The following LRMDA variants were observed in gnomAD, a reference collection of about 807,000 sequenced individuals.
The protein encoded by LRMDA is leucine-rich melanocyte differentiation-associated protein.
In LRMDA, 18 loss-of-function variants were observed where a neutral mutation model predicts 29.8. The ratio of observed to expected loss-of-function variants is 0.60; its 90% CI spans 0.42 to 0.90. The LOEUF (loss-of-function observed/expected upper bound fraction) is 0.90, where lower values mean the gene tolerates loss of function less well. Ranked by LOEUF, LRMDA falls within the 40% of genes least tolerant of loss-of-function variation. The pLI is 0.00. For synonymous variants in LRMDA, 125 were observed against 109.4 expected (o/e 1.14, Z -0.89); for missense variants, 273 against 273.9 (o/e 1.00, Z 0.02).
chr10:76,542,503 G>T (rs148529729), intron 6 of LRMDA, among the ~76,000 whole-genome samples: 1 of 152,290 alleles, frequency 6.6e-6, no homozygotes, highest in African/African-American at 2.4e-5. Flanking sequence ...GCCTGCATCT[G>T]TCTAACCTCA....
rs116679112 is a variant in LRMDA at position 75,721,796 on chromosome 10, A to G, written c.131+283302A>G. On this transcript the variant is annotated intron_variant, in intron 2 of 6. Transcript: ENST00000611255. ...CTATTTGCAGAAGTATTGAAATGTCAGTAAGTTTTATTGTAGTAATAAAGA... is the reference window on the plus strand; with the variant it reads ...CTATTTGCAGAAGTATTGAAATGTCGGTAAGTTTTATTGTAGTAATAAAGA... 5.1e-3 allele frequency among the ~76,000 whole-genome samples: 783 copies of G among 152,366 alleles called. 10 individuals carry two copies. The highest frequency in any genetic ancestry group is 0.018 in the African/African-American group (752 of 41,594).
intron 2 of LRMDA, among the ~76,000 whole-genome samples, chr10:76,030,467 A>G (rs1848131260): frequency 2.6e-5 from 4 of 152,204 alleles, no homozygotes; most frequent in Admixed American, 2.6e-4. Context: ...TTTATGGAAA[A>G]AAGAATATCT....
chr10:75,931,495 A>G (rs1454713674), intron 2 of LRMDA, among the ~76,000 whole-genome samples: 1 of 152,214 alleles, frequency 6.6e-6, no homozygotes. Context: ...ATCATCTCAA[A>G]TGATGATAGT....
chr10:75,666,628 T>C (rs996355872), intron 2 of LRMDA, among the ~76,000 whole-genome samples: 2 of 152,130 alleles, frequency 1.3e-5, no homozygotes, highest in Non-Finnish European at 2.9e-5. Context: ...ATTTTGAATT[T>C]TGGGGGCAAG....
At chr10:75,617,688 G>A (rs1343337271) in intron 2 of LRMDA, among the ~76,000 whole-genome samples, 2 of 152,172 alleles carry the variant, frequency 1.3e-5, no homozygotes, top group African/African-American at 2.4e-5. Flanking sequence ...GTCACAACTT[G>A]TTCTTGCTCA....
intron 2 of LRMDA, among the ~76,000 whole-genome samples, chr10:76,029,460 T>TA (rs1327325113): frequency 6.6e-6 from 1 of 152,048 alleles, no homozygotes; most frequent in African/African-American, 2.4e-5. Context: ...GTAGCAAAAG[T>TA]AAAAAAGATA....
intron 2 of LRMDA, among the ~76,000 whole-genome samples, chr10:76,022,917 T>C (rs1417040553): frequency 6.6e-6 from 1 of 152,186 alleles, no homozygotes; most frequent in African/African-American, 2.4e-5. Flanking sequence ...TATAAACTTT[T>C]TGATGACTTA....
chr10:75,988,894 A>G (rs1847309099), intron 2 of LRMDA, among the ~76,000 whole-genome samples: 1 of 151,894 alleles, frequency 6.6e-6, no homozygotes, highest in Non-Finnish European at 1.5e-5. Flanking sequence ...TTCTATTTCT[A>G]TTTCAGTATC....
intron 2 of LRMDA, among the ~76,000 whole-genome samples, chr10:75,532,102 G>T (rs1845484682): frequency 6.6e-6 from 1 of 150,796 alleles, no homozygotes; most frequent in African/African-American, 2.4e-5. Flanking sequence ...AGCAGTACAA[G>T]GGGGTGTTTA....
intron 2 of LRMDA, among the ~76,000 whole-genome samples, chr10:75,671,151 C>A (rs563563513): frequency 5.1e-4 from 77 of 152,248 alleles, no homozygotes; most frequent in African/African-American, 1.8e-3. Flanking sequence ...AATAAATTGC[C>A]TTTCAGCATT....
At chr10:75,910,106 C>A (rs926012294) in intron 2 of LRMDA, among the ~76,000 whole-genome samples, 3 of 152,170 alleles carry the variant, frequency 2.0e-5, no homozygotes, top group African/African-American at 7.2e-5. Flanking sequence ...ATTTCTTTGA[C>A]ATTGATGTTT....
intron 6 of LRMDA, among the ~76,000 whole-genome samples, chr10:76,554,947 G>A (rs2637256): frequency 0.82 from 125,059 of 151,954 alleles, 53,823 homozygotes; most frequent in Non-Finnish European, 0.97. Context: ...GAAAGATTGT[G>A]TTCTTTATGA....
intron 2 of LRMDA, among the ~76,000 whole-genome samples, chr10:75,754,676 A>AT (rs1564559158): frequency 6.6e-6 from 1 of 152,140 alleles, no homozygotes; most frequent in Admixed American, 6.5e-5. Flanking sequence ...CATCTGAAAC[A>AT]TTTTCAACTC....
chr10:75,582,268 G>A (rs552159742), intron 2 of LRMDA, among the ~76,000 whole-genome samples: 1 of 152,336 alleles, frequency 6.6e-6, no homozygotes, highest in South Asian at 2.1e-4. Flanking sequence ...TTCTCCATGA[G>A]GGCTCCATCC....
At chr10:76,372,669 A>G (rs1841468843) in intron 6 of LRMDA, among the ~76,000 whole-genome samples, 1 of 75,504 alleles carries the variant, frequency 1.3e-5, no homozygotes, top group Admixed American at 1.3e-4. Flanking sequence ...TTAATTCCCA[A>G]TTCTAAGCTC....
intron 2 of LRMDA, among the ~76,000 whole-genome samples, chr10:75,880,583 T>A (rs1845277559): frequency 6.6e-6 from 1 of 152,190 alleles, no homozygotes; most frequent in South Asian, 2.1e-4. Context: ...GAAACTCCCT[T>A]GATATCTAGG....
intron 2 of LRMDA, among the ~76,000 whole-genome samples, chr10:75,744,579 C>T (rs1419219668): frequency 6.6e-6 from 1 of 152,140 alleles, no homozygotes; most frequent in Non-Finnish European, 1.5e-5. Context: ...CCAACTTATC[C>T]AGCTCCCCTC....
chr10:75,451,723 G>A (rs1336012244), intron 2 of LRMDA: 2 of 151,846 alleles, frequency 1.3e-5, no homozygotes, highest in Non-Finnish European at 2.9e-5. Context: ...TGCTTCTAAG[G>A]GGAAAAAAAG....
intron 2 of LRMDA, among the ~76,000 whole-genome samples, chr10:75,926,106 A>G (rs1299166195): frequency 6.6e-6 from 1 of 152,220 alleles, no homozygotes; most frequent in Non-Finnish European, 1.5e-5. Flanking sequence ...CTAGGTACAC[A>G]TAGGCATGTG....
Sources: allele counts gnomAD v4.1 joint callset (sites outside exome capture counted in the v4.1 genomes callset), GRCh38; gene constraint gnomAD v4.1.1; transcripts MANE v1.5; gene names NCBI Gene and HGNC (gene_info 2026-07-23, HGNC 2026-07-21).